PITX3: variants seen among roughly 807,000 people sequenced by gnomAD.
PITX3 encodes pituitary homeobox 3.
Under a neutral mutation model 14.2 loss-of-function variants are expected in PITX3, and 4 were observed. The observed-to-expected ratio is 0.28, with a 90% CI of 0.14 to 0.65. The LOEUF (loss-of-function observed/expected upper bound fraction) is 0.65. PITX3 is among the 30% of genes least tolerant of loss of function. The pLI is 0.82. For synonymous variants in PITX3, 194 were observed against 204.5 expected (o/e 0.95, Z 0.44); for missense variants, 358 against 426.8 (o/e 0.84, Z 1.42).
intron 1 of PITX3, among the ~76,000 whole-genome samples, chr10:102,238,532 C>T (rs2070459748): frequency 6.6e-6 from 1 of 152,196 alleles, no homozygotes; most frequent in African/African-American, 2.4e-5. Flanking sequence ...CATTAAGATC[C>T]CTCCTATGGC....
intron 1 of PITX3, among the ~76,000 whole-genome samples, chr10:102,232,346 C>T (rs2070269026): frequency 6.6e-6 from 1 of 152,114 alleles, no homozygotes; most frequent in Non-Finnish European, 1.5e-5. Flanking sequence ...TAGAACTGTG[C>T]CAGGTATACA....
intron 3 of PITX3, 59 bp downstream of exon 3, chr10:102,231,529 G>A (rs1201733641): frequency 2.6e-6 from 3 of 1,176,016 alleles, no homozygotes; most frequent in Non-Finnish European, 2.4e-6. Context: ...TGGCCTCCGG[G>A]TCGCAGGCTG....
Position 102,230,330 on chromosome 10 carries a change from TG to T in PITX3, c.*183del. 1 of 883,394 alleles carries T rather than the reference TG, an allele frequency of 1.1e-6. No individual in the cohort carries two copies. The highest frequency in any genetic ancestry group is 1.7e-6 in the Non-Finnish European group (1 of 603,552). 54.7% of individuals were successfully genotyped at this position (883,394 alleles called of 1,614,324 possible). On this transcript the variant is annotated 3_prime_UTR_variant, in exon 4 of 4. Coordinates refer to ENST00000370002, the MANE Select transcript of PITX3 (RefSeq NM_005029.4). ...TTTAGTCCCAGGGGCGCGGTCTGTG[TG>T]TAGGGCCTAGTCCACCCCTCAGGGC...
Position 102,230,622 on chromosome 10 carries a change from C to G in PITX3, c.801G>C (p.Leu267=). Residue 267 remains leucine (L), a synonymous_variant, in exon 4 of 4, where the codon CTG becomes CTC. Transcript: ENST00000370002. The stretch of plus-strand genomic sequence containing the variant: ...AGGCGTGCTGTTTGGCTTTGAGCCG[C>G]AGGCTGGCCAGGCTCGAGTTACACG... ...RDPCNSSLAS[L]RLKAKQHASF... 6.2e-7 allele frequency: 1 copy of G among 1,608,112 alleles called. No individual in the cohort carries two copies. Among genetic ancestry groups the G allele is most frequent in the East Asian group, 2.2e-5 (1 of 44,656 alleles).
intron 1 of PITX3, among the ~76,000 whole-genome samples, chr10:102,239,808 A>G (rs1486311959): frequency 6.6e-6 from 1 of 152,226 alleles, no homozygotes; most frequent in Non-Finnish European, 1.5e-5. Flanking sequence ...AATTGGGGTC[A>G]GGGTGGATGG....
intron 1 of PITX3, among the ~76,000 whole-genome samples, chr10:102,233,542 G>A (rs901141423): frequency 1.3e-5 from 2 of 152,080 alleles, no homozygotes; most frequent in African/African-American, 4.8e-5. Context: ...CATCGCAGGT[G>A]ATCTGCCTGC....
Position 102,230,522 on chromosome 10 carries a change from G to T in PITX3, c.901C>A (p.Pro301Thr). ...TCTACGGGCGGGGCCGCTCATACGGGCCTTTCCACGGCGTACTGGCACGGA... is the reference window on the plus strand; with the variant it reads ...TCTACGGGCGGGGCCGCTCATACGGTCCTTTCCACGGCGTACTGGCACGGA... The part of the protein sequence containing the change: ...LSPCQYAVER[P>T]V Residue 301 changes from proline (P) to threonine (T), a missense_variant, in exon 4 of 4, where the codon CCC (proline) becomes ACC (threonine). Around this residue, in one of 3 missense-constraint regions of PITX3, gnomAD observed 236 missense variants for 250.2 expected, o/e 0.94. Coordinates refer to ENST00000370002, the MANE Select transcript of PITX3 (RefSeq NM_005029.4). 2 of 1,608,718 alleles carry T rather than the reference G, an allele frequency of 1.2e-6. No individual in the cohort carries two copies. Among genetic ancestry groups the T allele is most frequent in the Non-Finnish European group, 1.7e-6 (2 of 1,178,166 alleles).
rs143590356 is a variant in PITX3, at chr10:102,238,975, A to G, written c.-13+2358T>C. 1.8e-3 allele frequency among the ~76,000 whole-genome samples: 278 copies of G among 152,296 alleles called. 1 individual carries two copies. Among genetic ancestry groups the G allele is most frequent in the African/African-American group, 6.0e-3 (250 of 41,564 alleles). ...ACTGTGTGCCAAAGAACATTTTTCTATTCATCCTGAGCTTGCATCACTCCA... is the reference window on the plus strand; with the variant it reads ...ACTGTGTGCCAAAGAACATTTTTCTGTTCATCCTGAGCTTGCATCACTCCA... On this transcript the variant is annotated intron_variant, in intron 1 of 3. Transcript: ENST00000370002.
In PITX3 at chr10:102,230,685, G is replaced by A. The variant is rs754321042; in HGVS notation, c.738C>T (p.Ala246=). 6.5e-7 allele frequency: 1 copy of A among 1,546,394 alleles called. No individual in the cohort carries two copies. The highest frequency in any genetic ancestry group is 2.0e-5 in the Admixed American group (1 of 51,054). The change falls in exon 4 of 4, where the codon GCC becomes GCT. Residue 246 remains alanine (A), a synonymous_variant. Transcript: ENST00000370002. The part of the protein sequence containing the change: ...SCPYASAAAA[A]AAAASSPYVY... ...CGTAGGGGGAAGAGGCGGCAGCCGC[G>A]GCGGCGGCGGCGGCCGAGGCATAAG...
intron 1 of PITX3, among the ~76,000 whole-genome samples, chr10:102,234,871 T>G (rs959362000): frequency 7.9e-5 from 12 of 152,264 alleles, no homozygotes; most frequent in African/African-American, 2.9e-4. Context: ...TTGCTTTCAC[T>G]TTATTTCAGC....
In PITX3 at chr10:102,230,707, T is replaced by G; in HGVS notation, c.716A>C (p.Tyr239Ser). 1 of 1,555,898 alleles carries G rather than the reference T, an allele frequency of 6.4e-7. No individual in the cohort carries two copies. Among genetic ancestry groups the G allele is most frequent in the Non-Finnish European group, 8.7e-7 (1 of 1,150,596 alleles). The part of the protein sequence containing the change: ...AVSSGAVSCP[Y>S]ASAAAAAAAA... The stretch of plus-strand genomic sequence containing the variant: ...CGCGGCGGCGGCGGCGGCCGAGGCA[T>G]AAGGGCAGGACACGGCCCCGGAGGA... Residue 239 changes from tyrosine (Y) to serine (S), a missense_variant, in exon 4 of 4, where the codon TAT becomes TCT. By Grantham distance (144) the Tyr-to-Ser change is moderately radical. Transcript: ENST00000370002.
chr10:102,235,439 G>A (rs1405031418), intron 1 of PITX3, among the ~76,000 whole-genome samples: 3 of 152,116 alleles, frequency 2.0e-5, no homozygotes, highest in Non-Finnish European at 4.4e-5. Context: ...CTAGATTCAC[G>A]TCCTGGCTGT....
At position 102,230,519 on chromosome 10, in the gene PITX3, C is replaced by T. The variant is rs749673480; in HGVS notation, c.904G>A (p.Val302Ile). Residue 302 changes from valine (V) to isoleucine (I), a missense_variant, in exon 4 of 4, where the codon GTA becomes ATA. Coordinates refer to ENST00000370002, the MANE Select transcript of PITX3 (RefSeq NM_005029.4). ...SPCQYAVERP[V>I] ...TGATCTACGGGCGGGGCCGCTCATA[C>T]GGGCCTTTCCACGGCGTACTGGCAC... 8.1e-6 allele frequency: 13 copies of T among 1,607,756 alleles called. No homozygotes were observed. The highest frequency in any genetic ancestry group is 1.3e-5 in the African/African-American group (1 of 74,810).
At chr10:102,240,002 G>A (rs1394937306) in intron 1 of PITX3, among the ~76,000 whole-genome samples, 1 of 152,240 alleles carries the variant, frequency 6.6e-6, no homozygotes, top group Non-Finnish European at 1.5e-5. Context: ...CCAGGGTGGT[G>A]TTGGGACTGG....
chr10:102,231,478 G>A (rs2070234911), intron 3 of PITX3, 110 bp downstream of exon 3: 1 of 719,838 alleles, frequency 1.4e-6, no homozygotes, highest in Non-Finnish European at 2.3e-6. Context: ...CAGGGTCCGG[G>A]GTCCGGGGTC....
In PITX3 at chr10:102,231,697, C is replaced by T. The variant is rs1379763486; in HGVS notation, c.212G>A (p.Ser71Asn). 6.2e-7 allele frequency: 1 copy of T among 1,611,138 alleles called. No individual in the cohort carries two copies. Among genetic ancestry groups the T allele is most frequent in the Non-Finnish European group, 8.5e-7 (1 of 1,178,908 alleles). ...CGCCTCTAGCTCCTGTAGCTGCTGG[C>T]TGGTGAAGTGCGTGCGCTGCCGCCG... ...KQRRQRTHFT[S>N]QQLQELEATF... The change falls in exon 3 of 4, where the codon AGC becomes AAC. Residue 71 changes from serine (S) to asparagine (N), a missense_variant. Transcript: ENST00000370002.
intron 1 of PITX3, among the ~76,000 whole-genome samples, chr10:102,240,800 GCT>G (rs2070515145): frequency 6.6e-6 from 1 of 152,242 alleles, no homozygotes; most frequent in Non-Finnish European, 1.5e-5. Flanking sequence ...TCGCGGCCGG[GCT>G]CTCACAACAC....
chr10:102,232,184 C>A, intron 1 of PITX3, 92 bp from the exon 2 acceptor site: 1 of 746,494 alleles, frequency 1.3e-6, no homozygotes, highest in South Asian at 1.5e-5. Context: ...AATTCCCTGG[C>A]GCCTTTCTCA....
Position 102,231,726 on chromosome 10 carries a change from C to T in PITX3, c.183G>A (p.Lys61=), listed in dbSNP as rs1387313053. 6.2e-7 allele frequency: 1 copy of T among 1,610,566 alleles called. No individual in the cohort carries two copies. Among genetic ancestry groups the T allele is most frequent in the Non-Finnish European group, 8.5e-7 (1 of 1,178,726 alleles). Residue 61 remains lysine (K), a synonymous_variant, in exon 3 of 4, where the codon AAG becomes AAA. Coordinates refer to ENST00000370002, the MANE Select transcript of PITX3 (RefSeq NM_005029.4). The part of the protein sequence containing the change: ...GSPEDGSLKK[K]QRRQRTHFTS... ...TGAAGTGCGTGCGCTGCCGCCGCTG[C>T]TTCTTTTTCAGCGAACCGTCCTCTG...
Sources: allele counts gnomAD v4.1 joint callset (sites outside exome capture counted in the v4.1 genomes callset), GRCh38; gene constraint gnomAD v4.1.1; regional missense constraint gnomAD v4.1.1; transcripts MANE v1.5; gene names NCBI Gene and HGNC (gene_info 2026-07-23, HGNC 2026-07-21).